Variants in LINGO1 observed in about 807,000 individuals in gnomAD.
LINGO1 encodes the protein leucine rich repeat and Ig domain containing 1.
A neutral mutation model predicts 37.3 loss-of-function variants in LINGO1; 11 were observed. The ratio of observed to expected loss-of-function variants is 0.29; its 90% CI spans 0.19 to 0.49. LINGO1 has a LOEUF of 0.49. Among genes scored for constraint, LINGO1 ranks in the 20% least tolerant of loss-of-function variants. The pLI is 0.99. For missense variants in LINGO1, 585 were observed against 878.2 expected (o/e 0.67, Z 4.22); for synonymous variants, 387 against 403.0 (o/e 0.96, Z 0.48).
At chr15:77,789,079 C>T (rs982997055), upstream of LINGO1, among the ~76,000 whole-genome samples, 4 of 151,614 alleles carry the variant, frequency 2.6e-5, no homozygotes, top group Non-Finnish European at 2.9e-5. Context: ...TGCTCACCAC[C>T]GCCAAGGCTG....
At chr15:77,667,116 A>C (rs2075147290) in intron 3 of LINGO1, 1 of 152,348 alleles carries the variant, frequency 6.6e-6, no homozygotes, top group South Asian at 2.1e-4. Context: ...TGGGAGTGCT[A>C]ATCCTAGCCT....
In LINGO1 at chr15:77,800,797, T is replaced by C. The variant is rs539644294; in HGVS notation, c.-457-4744A>G. ...GCAAATGAGACAATGGAAGAAAATG[T>C]CGCTAATATGCAAAGAGCCCCTACA... On this transcript the variant is annotated intron_variant, in intron 1 of 5. Coordinates refer to the LINGO1 transcript ENST00000562933. 1.3e-3 allele frequency among the ~76,000 whole-genome samples: 194 copies of C among 152,154 alleles called. 1 individual carries two copies. The highest frequency in any genetic ancestry group is 4.6e-3 in the African/African-American group (192 of 41,514).
Position 77,614,952 on chromosome 15 carries a change from C to T in LINGO1, c.955G>A (p.Val319Met). 1 of 1,613,934 alleles carries T rather than the reference C, an allele frequency of 6.2e-7. No homozygotes were observed. The highest frequency in any genetic ancestry group is 8.5e-7 in the Non-Finnish European group (1 of 1,179,880). Reference protein sequence around the residue: ...ELLRLQEIQLVGGQLAVVEPY... With the variant: ...ELLRLQEIQLMGGQLAVVEPY... ...TCCACCACGGCCAGCTGCCCGCCCA[C>T]CAGCTGGATCTCCTGCAGCCGGAGC... Residue 319 changes from valine to methionine, a missense_variant, in exon 2 of 2, where the codon GTG becomes ATG. Val to Met is a conservative substitution (Grantham distance 21). Around this residue, in one of 4 missense-constraint regions of LINGO1, gnomAD observed 484 missense variants for 735.0 expected, o/e 0.66. Coordinates refer to ENST00000355300, the MANE Select transcript of LINGO1 (RefSeq NM_032808.7).
chr15:77,714,912 C>T (rs4477663), intron 2 of LINGO1, among the ~76,000 whole-genome samples: 77,347 of 152,108 alleles, frequency 0.51, 19,758 homozygotes, highest in Admixed American at 0.6. Flanking sequence ...AAGTTTGCTG[C>T]TTTATGGTCC....
Position 77,614,836 on chromosome 15 carries a change from C to T in LINGO1, c.1071G>A (p.Ser357=), listed in dbSNP as rs760113794. 26 of 1,613,086 alleles carry T rather than the reference C, an allele frequency of 1.6e-5. No individual in the cohort carries two copies. The highest frequency in any genetic ancestry group is 6.7e-5 in the East Asian group (3 of 44,834). The change falls in exon 2 of 2, where the codon TCG becomes TCA. Residue 357 remains serine, a synonymous_variant. Transcript: ENST00000355300. ...LTTLEESVFH[S]VGNLETLILD... ...GGATGAGTGTCTCCAGGTTGCCCAC[C>T]GAGTGGAAGACTGATTCCTCCAGTG...
intron 2 of LINGO1, among the ~76,000 whole-genome samples, chr15:77,702,500 C>A (rs1363956047): frequency 6.6e-6 from 1 of 152,138 alleles, no homozygotes; most frequent in Admixed American, 6.5e-5. Flanking sequence ...ATTTGGAAAG[C>A]CTCAACAAAA....
At chr15:77,811,763 G>A (rs2077007535) in intron 1 of LINGO1, among the ~76,000 whole-genome samples, 1 of 152,216 alleles carries the variant, frequency 6.6e-6, no homozygotes, top group South Asian at 2.1e-4. Flanking sequence ...TTTAGAGATG[G>A]ATGCTGAAAT....
At chr15:77,686,320 G>T (rs1347067096) in intron 2 of LINGO1, among the ~76,000 whole-genome samples, 1 of 152,134 alleles carries the variant, frequency 6.6e-6, no homozygotes, top group African/African-American at 2.4e-5. Flanking sequence ...TGGCTCCCCT[G>T]CTCCCGCCGA....
chr15:77,691,945 A>G (rs2075611759), intron 1 of LINGO1, among the ~76,000 whole-genome samples: 1 of 152,206 alleles, frequency 6.6e-6, no homozygotes, highest in Non-Finnish European at 1.5e-5. Flanking sequence ...GGTCCAGATT[A>G]CAGATCCATT....
At chr15:77,664,680 G>T (rs920873678) in intron 3 of LINGO1, among the ~76,000 whole-genome samples, 4 of 152,154 alleles carry the variant, frequency 2.6e-5, no homozygotes, top group Non-Finnish European at 5.9e-5. Flanking sequence ...TATCCACCAG[G>T]AGCCCCTACC....
chr15:77,729,119 G>A (rs558839083), intron 2 of LINGO1, among the ~76,000 whole-genome samples: 10 of 152,354 alleles, frequency 6.6e-5, no homozygotes, highest in African/African-American at 2.4e-4. Flanking sequence ...GCACTAGGAG[G>A]GCCCAGCCGG....
chr15:77,691,464 T>C (rs1267432587), intron 1 of LINGO1, among the ~76,000 whole-genome samples: 2 of 152,026 alleles, frequency 1.3e-5, no homozygotes, highest in Non-Finnish European at 2.9e-5. Flanking sequence ...GCTGTCTTGA[T>C]ACCCATGCTG....
rs761580323 is a variant in LINGO1, at chr15:77,615,795, A to G, written c.112T>C (p.Ser38Pro). The stretch of plus-strand genomic sequence containing the variant: ...CAGCGGGGCGGGCAGCCCGTGGCCG[A>G]GCCTGACAGCACTGAGCCCAGCACC... Reference protein sequence around the residue: ...LLVLGSVLSGSATGCPPRCEC... With the variant: ...LLVLGSVLSGPATGCPPRCEC... The change falls in exon 2 of 2, where the codon TCG becomes CCG. Residue 38 changes from serine (S) to proline (P), a missense_variant. Coordinates refer to ENST00000355300, the MANE Select transcript of LINGO1 (RefSeq NM_032808.7). The G allele has an allele frequency of 3.8e-6, 6 of 1,564,514 alleles. No individual in the cohort carries two copies. The highest frequency in any genetic ancestry group is 4.3e-6 in the Non-Finnish European group (5 of 1,162,630).
intron 1 of LINGO1, among the ~76,000 whole-genome samples, chr15:77,763,534 C>T (rs150187489): frequency 1.6e-3 from 244 of 152,256 alleles, no homozygotes; most frequent in African/African-American, 5.3e-3. Flanking sequence ...GACTGACCCT[C>T]GAATATGTCC....
upstream of LINGO1, among the ~76,000 whole-genome samples, chr15:77,697,470 C>A (rs866954315): frequency 9.9e-5 from 15 of 152,162 alleles, no homozygotes; most frequent in South Asian, 2.1e-4. Flanking sequence ...AGGCCAACTC[C>A]AGGACAGGTC....
intron 3 of LINGO1, among the ~76,000 whole-genome samples, chr15:77,664,174 C>CGCGCGCGTGCGCGT (rs1555527601): frequency 1.0e-5 from 1 of 100,380 alleles, no homozygotes; most frequent in African/African-American, 3.7e-5. Context: ...TGTGTGTGCG[C>CGCGCGCGTGCGCGT]GCGCGCATGC....
chr15:77,630,853 G>A (rs1174727023), intron 1 of LINGO1, among the ~76,000 whole-genome samples: 4 of 152,116 alleles, frequency 2.6e-5, no homozygotes, highest in South Asian at 2.1e-4. Context: ...CTTTCAGCAC[G>A]GTTCCAAGGA....
At chr15:77,776,525 G>GAAGGGAGT (rs2076651719) in intron 1 of LINGO1, among the ~76,000 whole-genome samples, 2 of 94,048 alleles carry the variant, frequency 2.1e-5, no homozygotes, top group African/African-American at 8.1e-5. Flanking sequence ...AGGAAGGGAG[G>GAAGGGAGT]AAGGGAGGGA....
chr15:77,648,919 G>A (rs754488376), intron 3 of LINGO1: 1 of 152,338 alleles, frequency 6.6e-6, no homozygotes, highest in Non-Finnish European at 1.5e-5. Context: ...CCCAGGCCTT[G>A]GTCTCAAACC....
Sources: allele counts gnomAD v4.1 joint callset (sites outside exome capture counted in the v4.1 genomes callset), GRCh38; gene constraint gnomAD v4.1.1; regional missense constraint gnomAD v4.1.1; transcripts MANE v1.5; gene names NCBI Gene and HGNC (gene_info 2026-07-23, HGNC 2026-07-21).